The following PUDP variants were observed in gnomAD, a reference collection of about 807,000 sequenced individuals.
PUDP encodes pseudouridine-5'-phosphatase.
Under a neutral mutation model 9.4 loss-of-function variants are expected in PUDP, and 8 were observed. The observed-to-expected ratio is 0.85, with a 90% CI of 0.50 to 1.53. PUDP has a LOEUF of 1.53. PUDP is among the 40% of genes most tolerant of loss of function. The probability of loss-of-function intolerance (pLI) is 0.00; values close to 1 mark genes in which losing one functional copy is unlikely to be tolerated. For synonymous variants in PUDP, 99 were observed against 80.7 expected (o/e 1.23, Z -1.22); for missense variants, 188 against 189.7 (o/e 0.99, Z 0.05).
chrX:6,886,451 C>A (rs12689762), intron 3 of PUDP, among the ~76,000 whole-genome samples: 10,316 of 111,625 alleles, frequency 0.092, 596 homozygotes, highest in East Asian at 0.46. Flanking sequence ...TAAAGTATTT[C>A]CCTCTGCATT....
chrX:6,991,475 C>T (rs1929175727), intron 1 of PUDP, among the ~76,000 whole-genome samples: 1 of 110,148 alleles, frequency 9.1e-6, no homozygotes, highest in Non-Finnish European at 1.9e-5. Context: ...CCCAGGAGTT[C>T]AAAACCAGCC....
chrX:6,857,176 C>T (rs749019159), intron 3 of PUDP, among the ~76,000 whole-genome samples: 1 of 112,605 alleles, frequency 8.9e-6, no homozygotes, highest in Non-Finnish European at 1.9e-5. Context: ...AGAGCATTTA[C>T]CCTGGAGCAT....
At chrX:6,832,778 C>A (rs1034479424) in intron 3 of PUDP, among the ~76,000 whole-genome samples, 2 of 112,158 alleles carry the variant, frequency 1.8e-5, no homozygotes, top group Admixed American at 1.9e-4. Flanking sequence ...TGCCTTGGGG[C>A]AAAATGCTTG....
intron 2 of PUDP, among the ~76,000 whole-genome samples, chrX:7,080,838 G>T (rs1931060816): frequency 9.4e-6 from 1 of 106,821 alleles, no homozygotes; most frequent in East Asian, 2.9e-4. Flanking sequence ...AGAATCGCTT[G>T]AACCTAGGAA....
intron 3 of PUDP, among the ~76,000 whole-genome samples, chrX:7,072,476 A>C (rs747880719): frequency 8.9e-6 from 1 of 112,037 alleles, no homozygotes; most frequent in East Asian, 2.8e-4. Flanking sequence ...ACTAACAAGT[A>C]CAAGAAAACT....
chrX:6,804,008 A>G (rs1926007504), intron 3 of PUDP, among the ~76,000 whole-genome samples: 1 of 111,580 alleles, frequency 9.0e-6, no homozygotes, highest in Admixed American at 9.5e-5. Flanking sequence ...ATATTTTTTC[A>G]TTGATTTTTC....
intron 1 of PUDP, among the ~76,000 whole-genome samples, chrX:7,144,196 G>A (rs1046317617): frequency 1.1e-4 from 12 of 111,867 alleles, no homozygotes; most frequent in African/African-American, 3.9e-4. Flanking sequence ...CACTTGGAAT[G>A]AATGACTTGA....
At chrX:6,727,114 A>G (rs1207647233) in intron 3 of PUDP, among the ~76,000 whole-genome samples, 1 of 111,682 alleles carries the variant, frequency 9.0e-6, no homozygotes, top group African/African-American at 3.2e-5. Flanking sequence ...GCTAACACAC[A>G]GGTAAAATTT....
chrX:6,865,390 C>G (rs6529990), intron 3 of PUDP, among the ~76,000 whole-genome samples: 47,794 of 111,295 alleles, frequency 0.43, 8,629 homozygotes, highest in Non-Finnish European at 0.56. Context: ...CATTCAGAGA[C>G]TTGCAACTGT....
intron 3 of PUDP, among the ~76,000 whole-genome samples, chrX:6,926,628 G>C (rs1402887417): frequency 8.9e-6 from 1 of 112,133 alleles, no homozygotes; most frequent in Non-Finnish European, 1.9e-5. Context: ...TTGCAAGATA[G>C]CTATATCTGT....
intron 1 of PUDP, among the ~76,000 whole-genome samples, chrX:7,117,677 A>T (rs1932233702): frequency 8.8e-6 from 1 of 113,339 alleles, no homozygotes; most frequent in Non-Finnish European, 1.9e-5. Flanking sequence ...GAGGAATTCA[A>T]GCAGGCTGTG....
chrX:6,828,595 A>G (rs1049080972), intron 3 of PUDP, among the ~76,000 whole-genome samples: 4 of 111,432 alleles, frequency 3.6e-5, no homozygotes, highest in African/African-American at 6.5e-5. Context: ...TTCACTTTTA[A>G]TGATGTACAT....
chrX:6,912,706 G>A (rs1410273776), intron 3 of PUDP, among the ~76,000 whole-genome samples: 1 of 112,046 alleles, frequency 8.9e-6, no homozygotes, highest in African/African-American at 3.2e-5. Flanking sequence ...ATCTAAGGAA[G>A]AGCCTAAAGG....
chrX:7,013,615 AAGG>A (rs1319474997), intron 1 of PUDP, among the ~76,000 whole-genome samples: 2 of 111,809 alleles, frequency 1.8e-5, no homozygotes, highest in Non-Finnish European at 3.8e-5. Flanking sequence ...AGCCATTTTG[AAGG>A]AGGAGAGTTC....
chrX:7,016,913 C>T (rs776135553), intron 1 of PUDP, among the ~76,000 whole-genome samples: 7 of 111,517 alleles, frequency 6.3e-5, no homozygotes, highest in East Asian at 2.8e-4. Context: ...TATCCATCTG[C>T]GAGAATCCAG....
At chrX:6,817,659 T>C (rs987917313) in intron 3 of PUDP, among the ~76,000 whole-genome samples, 7 of 111,171 alleles carry the variant, frequency 6.3e-5, no homozygotes, top group African/African-American at 1.3e-4. Flanking sequence ...GCAGGGATGA[T>C]TGGATACATT....
chrX:6,922,707 T>C (rs1465802403), intron 3 of PUDP, among the ~76,000 whole-genome samples: 2 of 112,124 alleles, frequency 1.8e-5, no homozygotes, highest in East Asian at 2.8e-4. Context: ...GAAGAGAATG[T>C]CCAAAGAATC....
At chrX:7,128,974 C>T (rs1427337193) in intron 1 of PUDP, among the ~76,000 whole-genome samples, 2 of 111,712 alleles carry the variant, frequency 1.8e-5, no homozygotes, top group African/African-American at 6.5e-5. Flanking sequence ...TGTTATTAGT[C>T]ACTATGAATA....
intron 3 of PUDP, among the ~76,000 whole-genome samples, chrX:6,749,081 T>C (rs1226076862): frequency 8.9e-6 from 1 of 111,983 alleles, no homozygotes; most frequent in African/African-American, 3.2e-5. Context: ...CAGGTATAGA[T>C]CATTTTGCAG....
Sources: allele counts gnomAD v4.1 joint callset (sites outside exome capture counted in the v4.1 genomes callset), GRCh38; gene constraint gnomAD v4.1.1; transcripts MANE v1.5; gene names NCBI Gene and HGNC (gene_info 2026-07-23, HGNC 2026-07-21).